TRIM4: variants seen among roughly 807,000 people sequenced by gnomAD.
TRIM4 encodes the protein tripartite motif containing 4.
Under a neutral mutation model 33.7 loss-of-function variants are expected in TRIM4, and 29 were observed. The observed-to-expected ratio is 0.86, with a 90% CI of 0.64 to 1.17. TRIM4 has a LOEUF of 1.17. TRIM4 is among the 50% of genes most tolerant of loss of function. TRIM4 has a pLI of 0.00. For synonymous variants in TRIM4, 224 were observed against 233.0 expected (o/e 0.96, Z 0.35); for missense variants, 554 against 593.7 (o/e 0.93, Z 0.69).
chr7:99,917,572 A>G (rs1819583432), intron 1 of TRIM4, among the ~76,000 whole-genome samples: 1 of 152,134 alleles, frequency 6.6e-6, no homozygotes, highest in Non-Finnish European at 1.5e-5. Flanking sequence ...ATACAAAATT[A>G]GCTGGGCATG....
intron 5 of TRIM4, among the ~76,000 whole-genome samples, chr7:99,896,943 G>A (rs565063772): frequency 1.3e-5 from 2 of 152,358 alleles, no homozygotes; most frequent in South Asian, 4.1e-4. Context: ...TTGTGGCACA[G>A]GCAAGGGTGT....
At chr7:99,906,774 A>G (rs538741490) in intron 3 of TRIM4, among the ~76,000 whole-genome samples, 2 of 152,296 alleles carry the variant, frequency 1.3e-5, no homozygotes, top group South Asian at 4.1e-4. Flanking sequence ...TGAGCCCAGC[A>G]GCTTGAGGGT....
chr7:99,905,260 T>C (rs1411103231), intron 3 of TRIM4, among the ~76,000 whole-genome samples: 4 of 152,088 alleles, frequency 2.6e-5, no homozygotes, highest in African/African-American at 4.8e-5. Context: ...CTGGTAACAA[T>C]AGTGTAAACT....
At chr7:99,897,622 G>A (rs914002202) in intron 5 of TRIM4, among the ~76,000 whole-genome samples, 2 of 152,058 alleles carry the variant, frequency 1.3e-5, no homozygotes, top group Admixed American at 6.5e-5. Context: ...CTCCATGGGG[G>A]AAAGGCCTAG....
chr7:99,900,224 C>T (rs1390822488), intron 5 of TRIM4, among the ~76,000 whole-genome samples: 1 of 152,164 alleles, frequency 6.6e-6, no homozygotes, highest in Non-Finnish European at 1.5e-5. Context: ...CAGGAAGAGC[C>T]AATGCTGCAG....
intron 1 of TRIM4, among the ~76,000 whole-genome samples, chr7:99,915,961 G>A (rs1819547465): frequency 1.3e-5 from 2 of 152,142 alleles, no homozygotes. Flanking sequence ...GACCTCGGGG[G>A]CATGTAACCT....
intron 1 of TRIM4, among the ~76,000 whole-genome samples, chr7:99,915,425 C>T (rs1010349708): frequency 7.2e-5 from 11 of 152,274 alleles, no homozygotes; most frequent in Middle Eastern, 3.4e-3. Context: ...AATTTGCATC[C>T]GGAGATTTAT....
intron 5 of TRIM4, chr7:99,901,797 A>AT (rs1489570402): frequency 3.4e-6 from 1 of 294,630 alleles, no homozygotes; most frequent in Non-Finnish European, 6.2e-6. Flanking sequence ...CCTTGAGTAG[A>AT]TTTTCACAGG....
chr7:99,903,037 G>A (rs1424721330), intron 5 of TRIM4, among the ~76,000 whole-genome samples, 181 bp downstream of exon 5: 1 of 152,010 alleles, frequency 6.6e-6, no homozygotes, highest in Non-Finnish European at 1.5e-5. Flanking sequence ...TGTATCACTA[G>A]CACCTTGTAA....
chr7:99,903,350 A>G (rs1819221199), intron 4 of TRIM4, 35 bp from the exon 5 acceptor site: 2 of 1,539,414 alleles, frequency 1.3e-6, no homozygotes. Context: ...TTAGGGGACA[A>G]CTAGGGTAGC....
At chr7:99,902,858 T>A (rs1278745579) in intron 5 of TRIM4, among the ~76,000 whole-genome samples, 1 of 151,942 alleles carries the variant, frequency 6.6e-6, no homozygotes, top group Non-Finnish European at 1.5e-5. Flanking sequence ...GCCTCTGCTG[T>A]GAAAACTTTC....
intron 1 of TRIM4, among the ~76,000 whole-genome samples, chr7:99,914,792 C>CTTTTTCTTTTTTTCTT (rs558234936): frequency 6.6e-6 from 1 of 152,024 alleles, no homozygotes; most frequent in Non-Finnish European, 1.5e-5. Context: ...TGGCATAGCA[C>CTTTTTCTTTTTTTCTT]TTTTTCTTTT....
In TRIM4 at chr7:99,919,244, C is replaced by T; in HGVS notation, c.158G>A (p.Arg53Gln). ...CAGCGCGGCGGGCGCCGATGGGTGC[C>T]GACATTCGGGGCAGGGGAACGGGCC... ...GGGPFPCPEC[R>Q]HPSAPAALRP... is the part of the protein sequence containing the mutation. The change falls in exon 1 of 6, where the codon CGG (arginine) becomes CAG (glutamine). Residue 53 changes from arginine to glutamine, a missense_variant. Arg to Gln is a conservative substitution (Grantham distance 43). Around this residue, in one of 3 missense-constraint regions of TRIM4, gnomAD observed 233 missense variants for 203.1 expected, o/e 1.15. Coordinates refer to ENST00000349062, the MANE Select transcript of TRIM4 (RefSeq NM_033091.3). The T allele has an allele frequency of 6.5e-7, 1 of 1,538,008 alleles. No individual in the cohort carries two copies. The highest frequency in any genetic ancestry group is 8.8e-7 in the Non-Finnish European group (1 of 1,141,796).
chr7:99,913,528 G>A (rs191215589), intron 1 of TRIM4, among the ~76,000 whole-genome samples: 65 of 151,836 alleles, frequency 4.3e-4, no homozygotes, highest in Non-Finnish European at 8.1e-4. Context: ...AAAATTAGCC[G>A]GGCATGGTGG....
At chr7:99,918,422 G>A (rs373409531) in intron 1 of TRIM4, among the ~76,000 whole-genome samples, 11 of 152,192 alleles carry the variant, frequency 7.2e-5, no homozygotes, top group East Asian at 5.8e-4. Flanking sequence ...AAAATTAACC[G>A]GGTGTGGTGG....
chr7:99,918,093 C>T (rs541404242), intron 1 of TRIM4, among the ~76,000 whole-genome samples: 2 of 152,346 alleles, frequency 1.3e-5, no homozygotes, highest in East Asian at 1.9e-4. Flanking sequence ...CTCATCATTA[C>T]AAGCTAGGCT....
chr7:99,914,601 G>A (rs2527909), intron 1 of TRIM4, among the ~76,000 whole-genome samples: 2 of 151,796 alleles, frequency 1.3e-5, no homozygotes, highest in Non-Finnish European at 2.9e-5. Flanking sequence ...GTTTCACATC[G>A]CATGCCACCT....
chr7:99,893,754 C>T (rs565312699), intron 5 of TRIM4, among the ~76,000 whole-genome samples: 198 of 152,198 alleles, frequency 1.3e-3, no homozygotes, highest in African/African-American at 4.7e-3. Flanking sequence ...CTTTTCCTCC[C>T]CTCCACTCCC....
intron 5 of TRIM4, among the ~76,000 whole-genome samples, chr7:99,898,549 C>T (rs1055746475): frequency 6.6e-6 from 1 of 152,228 alleles, no homozygotes; most frequent in African/African-American, 2.4e-5. Flanking sequence ...TCGTCTTCAC[C>T]TGCCGGACAC....
Sources: gnomAD v4.1 joint callset for allele counts (sites outside exome capture counted in the v4.1 genomes callset) on GRCh38, gnomAD v4.1.1 for gene constraint, gnomAD v4.1.1 regional missense constraint, MANE v1.5 for transcripts, NCBI Gene and HGNC (gene_info 2026-07-23, HGNC 2026-07-21) for gene names.